Variants in TRDN observed in about 807,000 individuals in gnomAD.
The protein encoded by TRDN is triadin in skeletal muscle.
Under a neutral mutation model 149.7 loss-of-function variants are expected in TRDN, and 161 were observed. That is an observed-to-expected ratio of 1.08 (90% CI 0.95 to 1.23). The LOEUF (loss-of-function observed/expected upper bound fraction) is 1.23. TRDN is among the 50% of genes most tolerant of loss of function. The probability of loss-of-function intolerance (pLI) is 0.00; values close to 1 mark genes in which losing one functional copy is unlikely to be tolerated. For synonymous variants in TRDN, 294 were observed against 250.5 expected (o/e 1.17, Z -1.64); for missense variants, 896 against 823.5 (o/e 1.09, Z -1.08).
At chr6:123,224,607 A>T (rs990464239) in intron 38 of TRDN, among the ~76,000 whole-genome samples, 11 of 151,830 alleles carry the variant, frequency 7.2e-5, no homozygotes, top group African/African-American at 2.2e-4. Flanking sequence ...ACCCATGCAC[A>T]TACATGAGTC....
intron 38 of TRDN, among the ~76,000 whole-genome samples, chr6:123,236,218 C>A (rs1238817827): frequency 6.6e-6 from 1 of 152,138 alleles, no homozygotes; most frequent in Non-Finnish European, 1.5e-5. Context: ...TAAATGTGTG[C>A]TGTTATATAA....
chr6:123,290,035 A>C (rs1484064620), intron 24 of TRDN, among the ~76,000 whole-genome samples: 1 of 152,122 alleles, frequency 6.6e-6, no homozygotes, highest in Admixed American at 6.6e-5. Context: ...GACCCAGTGG[A>C]AAGTTTCCCA....
intron 23 of TRDN, among the ~76,000 whole-genome samples, chr6:123,318,239 G>A (rs1004064128): frequency 1.3e-5 from 2 of 151,844 alleles, no homozygotes; most frequent in Non-Finnish European, 2.9e-5. Context: ...TAGGTCAACA[G>A]TACAGTTTAA....
chr6:123,267,883 C>A (rs41284428), intron 31 of TRDN, 132 bp from the exon 32 acceptor site: 6 of 648,660 alleles, frequency 9.2e-6, no homozygotes, highest in Middle Eastern at 2.8e-4. Context: ...TAATTTGAAA[C>A]AAAGAAAGCA....
Position 123,636,830 on chromosome 6 carries a change from C to G in TRDN, c.-55G>C. ...AAAGTTCCCGTCAAGTTGCACTTTG[C>G]AGAGTATTTGGGGATTTGAGAACTC... On this transcript the variant is annotated 5_prime_UTR_variant, in exon 1 of 41. Transcript: ENST00000334268. The G allele has an allele frequency of 6.2e-7, 1 of 1,608,682 alleles. No homozygotes were observed. The highest frequency in any genetic ancestry group is 8.5e-7 in the Non-Finnish European group (1 of 1,176,086).
intron 1 of TRDN, among the ~76,000 whole-genome samples, chr6:123,629,841 A>G (rs1192257681): frequency 1.3e-5 from 2 of 152,036 alleles, no homozygotes; most frequent in Admixed American, 6.6e-5. Flanking sequence ...GACTTTATTC[A>G]TTGCACATTT....
chr6:123,582,180 G>T lies in TRDN; in HGVS notation c.23-11048C>A, dbSNP rs75759387. 3.7e-3 allele frequency among the ~76,000 whole-genome samples: 569 copies of T among 152,188 alleles called. 3 individuals are homozygous for T. The highest frequency in any genetic ancestry group is 0.013 in the African/African-American group (535 of 41,526). ...AAGAGTGAGACAACTCGAAATGGGG[G>T]GCATTTCCACTCGAACTGAGGGGCA... On this transcript the variant is annotated intron_variant, in intron 1 of 40. Transcript: ENST00000334268.
chr6:123,284,554 C>T (rs960628677), intron 24 of TRDN, among the ~76,000 whole-genome samples: 16 of 151,926 alleles, frequency 1.1e-4, no homozygotes, highest in South Asian at 8.3e-4. Flanking sequence ...CCACAGCCAG[C>T]GTAACACTGA....
intron 10 of TRDN, 159 bp downstream of exon 10, chr6:123,464,747 C>A (rs913888136): frequency 2.9e-6 from 4 of 1,397,756 alleles, no homozygotes; most frequent in Non-Finnish European, 3.7e-6. Flanking sequence ...CTAAAAGAAG[C>A]AAATTGCAAT....
intron 12 of TRDN, among the ~76,000 whole-genome samples, chr6:123,432,531 T>A (rs1275271651): frequency 2.0e-5 from 3 of 152,140 alleles, no homozygotes; most frequent in Non-Finnish European, 4.4e-5. Flanking sequence ...CCTCTGAGCA[T>A]CAATCTCCTA....
At chr6:123,218,860 G>A in intron 40 of TRDN, 120 bp from the exon 41 acceptor site, 4 of 1,047,552 alleles carry the variant, frequency 3.8e-6, no homozygotes, top group Non-Finnish European at 4.1e-6. Context: ...CGTAGCTGTT[G>A]GCAAGTTACT....
intron 1 of TRDN, among the ~76,000 whole-genome samples, chr6:123,607,267 A>T (rs2114667870): frequency 6.6e-6 from 1 of 152,364 alleles, no homozygotes; most frequent in South Asian, 2.1e-4. Context: ...GAAAGTAAAT[A>T]TGCTTCGTAG....
At chr6:123,534,596 G>C (rs762267612) in intron 4 of TRDN, among the ~76,000 whole-genome samples, 1 of 152,120 alleles carries the variant, frequency 6.6e-6, no homozygotes, top group Non-Finnish European at 1.5e-5. Context: ...TGCCTGATTT[G>C]TTACCTTTGA....
chr6:123,373,093 C>G (rs896193141), intron 19 of TRDN, among the ~76,000 whole-genome samples: 2 of 152,140 alleles, frequency 1.3e-5, no homozygotes, highest in East Asian at 3.9e-4. Context: ...TTTTCATTTT[C>G]TTGAAGCTCA....
intron 20 of TRDN, among the ~76,000 whole-genome samples, chr6:123,361,634 T>A (rs891517543): frequency 6.6e-6 from 1 of 152,196 alleles, no homozygotes; most frequent in African/African-American, 2.4e-5. Context: ...CTTCACTCCC[T>A]CTTTCCTCAT....
At chr6:123,448,683 C>T (rs991445077) in intron 10 of TRDN, among the ~76,000 whole-genome samples, 2 of 152,066 alleles carry the variant, frequency 1.3e-5, no homozygotes, top group African/African-American at 2.4e-5. Context: ...GCCACGCCCA[C>T]TACTGGTCCC....
intron 9 of TRDN, among the ~76,000 whole-genome samples, chr6:123,496,851 A>T (rs1478322018): frequency 6.6e-6 from 1 of 152,100 alleles, no homozygotes; most frequent in Non-Finnish European, 1.5e-5. Context: ...AGATATTTTC[A>T]TTGTCGTGGG....
intron 19 of TRDN, among the ~76,000 whole-genome samples, chr6:123,374,980 A>G (rs1325113803): frequency 6.6e-6 from 1 of 152,162 alleles, no homozygotes; most frequent in African/African-American, 2.4e-5. Flanking sequence ...CTAAGGCAAA[A>G]TATTTTCCAT....
At position 123,371,514 on chromosome 6, in the gene TRDN, T is replaced by C. The variant is rs536311109; in HGVS notation, c.1273+4091A>G. 2.1e-3 allele frequency among the ~76,000 whole-genome samples: 321 copies of C among 152,344 alleles called. 1 individual carries two copies. Among genetic ancestry groups the C allele is most frequent in the Middle Eastern group, 6.8e-3 (2 of 294 alleles). The stretch of plus-strand genomic sequence containing the variant: ...ATAGTCCTGATCTCAATAGCCATGC[T>C]TTATAGTGCCATGTTGCTGTGTTCA... On this transcript the variant is annotated intron_variant, in intron 19 of 40. Coordinates refer to ENST00000334268, the MANE Select transcript of TRDN (RefSeq NM_006073.4).
Sources: allele counts gnomAD v4.1 joint callset (sites outside exome capture counted in the v4.1 genomes callset), GRCh38; gene constraint gnomAD v4.1.1; transcripts MANE v1.5; gene names NCBI Gene and HGNC (gene_info 2026-07-23, HGNC 2026-07-21).